The following DGKG variants were observed in gnomAD, a reference collection of about 807,000 sequenced individuals.
DGKG encodes diacylglycerol kinase gamma.
A neutral mutation model predicts 105.3 loss-of-function variants in DGKG; 78 were observed. The ratio of observed to expected loss-of-function variants is 0.74; its 90% confidence interval spans 0.62 to 0.89. The LOEUF is 0.89. Ranked by LOEUF, DGKG falls within the 40% of genes least tolerant of loss-of-function variation. DGKG has a pLI of 0.00. For synonymous variants in DGKG, 346 were observed against 367.1 expected (o/e 0.94, Z 0.66); for missense variants, 958 against 1,020.1 (o/e 0.94, Z 0.83).
chr3:186,357,559 G>T (rs1338124333), intron 1 of DGKG, among the ~76,000 whole-genome samples: 1 of 152,200 alleles, frequency 6.6e-6, no homozygotes, highest in Non-Finnish European at 1.5e-5. Context: ...GTGAGATGGG[G>T]TTAATACCAG....
intron 1 of DGKG, among the ~76,000 whole-genome samples, chr3:186,352,210 C>T (rs1186620892): frequency 6.6e-6 from 1 of 152,110 alleles, no homozygotes; most frequent in Non-Finnish European, 1.5e-5. Context: ...GTAAGCCACC[C>T]CCCTGCTTGA....
intron 22 of DGKG, among the ~76,000 whole-genome samples, chr3:186,181,626 C>T (rs7619125): frequency 3.3e-5 from 5 of 152,088 alleles, no homozygotes; most frequent in Admixed American, 6.5e-5. Flanking sequence ...CCAGCTACCT[C>T]GGAGGCTGAG....
chr3:186,199,647 T>G (rs1718353437), intron 21 of DGKG, among the ~76,000 whole-genome samples: 1 of 152,026 alleles, frequency 6.6e-6, no homozygotes, highest in Non-Finnish European at 1.5e-5. Flanking sequence ...TGAGTAGCTG[T>G]GATTACAGGT....
intron 10 of DGKG, among the ~76,000 whole-genome samples, chr3:186,273,111 C>T (rs961595795): frequency 2.6e-5 from 4 of 152,112 alleles, no homozygotes; most frequent in Non-Finnish European, 5.9e-5. Context: ...TCAGGGTTTT[C>T]TGTAAAAAGG....
At chr3:186,208,101 G>C (rs1219231959) in intron 21 of DGKG, among the ~76,000 whole-genome samples, 2 of 151,820 alleles carry the variant, frequency 1.3e-5, no homozygotes, top group Non-Finnish European at 2.9e-5. Flanking sequence ...GAGTGCAGTG[G>C]TGCAATCTTG....
intron 1 of DGKG, among the ~76,000 whole-genome samples, chr3:186,348,296 C>T (rs1167068413): frequency 6.7e-6 from 1 of 149,448 alleles, no homozygotes; most frequent in Non-Finnish European, 1.5e-5. Flanking sequence ...ATGTTAATTT[C>T]TCTGTTGACC....
rs1043634397 is a variant in DGKG at position 186,308,507 on chromosome 3, T to C, written c.68-1530A>G. The stretch of plus-strand genomic sequence containing the variant: ...TGCCCAGGCTCTTTGTACAGAGGGT[T>C]AATGTCTCTTAAGCCTAGGTAAAGT... On this transcript the variant is annotated intron_variant, in intron 2 of 24. Coordinates refer to ENST00000265022, the MANE Select transcript of DGKG (RefSeq NM_001346.3). Among the ~76,000 whole-genome samples the C allele has an allele frequency of 2.6e-5, 4 of 152,300 alleles. No individual in the cohort carries two copies. The East Asian group carries it at 7.7e-4, about 29-fold the overall frequency.
rs149265397 is a variant in DGKG, at chr3:186,206,199, C to T, written c.1917+5596G>A. ...AGGAGTTCGAGACCATCCTGCCCTA[C>T]GTGGTGAAATCCCGTCTCTACTAAA... On this transcript the variant is annotated intron_variant, in intron 21 of 24. Coordinates refer to ENST00000265022, the MANE Select transcript of DGKG (RefSeq NM_001346.3). 2.4e-4 allele frequency among the ~76,000 whole-genome samples: 37 copies of T among 152,216 alleles called. No individual in the cohort carries two copies. The East Asian group carries it at 4.6e-3, about 19-fold the overall frequency.
At chr3:186,288,664 C>T (rs1345023176) in intron 6 of DGKG, 46 bp downstream of exon 6, 1 of 1,596,460 alleles carries the variant, frequency 6.3e-7, no homozygotes, top group East Asian at 2.2e-5. Flanking sequence ...ACCCCAGATC[C>T]TTCTCTAGGA....
intron 1 of DGKG, among the ~76,000 whole-genome samples, chr3:186,360,329 C>T (rs1029585594): frequency 2.0e-5 from 3 of 152,140 alleles, no homozygotes; most frequent in Non-Finnish European, 2.9e-5. Flanking sequence ...ACTAGCTTCC[C>T]ACCCTAAAGC....
In DGKG at chr3:186,161,302, C is replaced by T. The variant is rs1412451739; in HGVS notation, c.2277+301G>A. ...TTGACATGATTCAAGCTGAGGCTGT[C>T]CAGGATACAGTAGATGAAGTCTCAG... On this transcript the variant is annotated intron_variant, in intron 24 of 24. Transcript: ENST00000265022. 4.2e-6 allele frequency: 5 copies of T among 1,198,140 alleles called. No homozygotes were observed. In the African/African-American group the frequency reaches 6.4e-5, roughly 15 times the overall value. The allele number at this position is 1,198,140 out of a possible 1,614,324, so 74.2% of individuals were successfully genotyped here. A position where few individuals can be genotyped will look rare whatever the true frequency, so the allele number is the denominator to read the frequency against.
intron 17 of DGKG, 184 bp downstream of exon 17, chr3:186,257,670 T>C (rs1046664973): frequency 3.6e-6 from 2 of 547,968 alleles, no homozygotes; most frequent in Non-Finnish European, 6.5e-6. Flanking sequence ...AATCATTCGA[T>C]TGTCTTATTT....
intron 14 of DGKG, 152 bp from the exon 15 acceptor site, chr3:186,261,930 C>T: frequency 1.8e-6 from 1 of 568,918 alleles, no homozygotes; most frequent in Admixed American, 3.1e-5. Flanking sequence ...TTCGGAGGGG[C>T]TAAGTAGCTA....
At chr3:186,291,072 A>G (rs1369072856) in intron 5 of DGKG, among the ~76,000 whole-genome samples, 1 of 152,206 alleles carries the variant, frequency 6.6e-6, no homozygotes, top group Non-Finnish European at 1.5e-5. Context: ...TAGATCCAAA[A>G]AGATCAGACT....
chr3:186,234,002 T>C (rs1351388182), intron 20 of DGKG, among the ~76,000 whole-genome samples: 3 of 152,242 alleles, frequency 2.0e-5, no homozygotes, highest in African/African-American at 7.2e-5. Context: ...TCCAAAATCA[T>C]TGCCAGCATG....
In DGKG at chr3:186,260,531, A is replaced by C; in HGVS notation, c.1350-18T>G. 2 of 1,579,368 alleles carry C rather than the reference A, an allele frequency of 1.3e-6. No homozygotes were observed. The highest frequency in any genetic ancestry group is 2.2e-5 in the South Asian group (2 of 89,664). ...GAAGAATTCTATGGAAAAAAAAAGA[A>C]AAGGAGGGAGAGAGAGAGACAGAGA... is the stretch of plus-strand genomic sequence containing the variant. On this transcript the variant is annotated intron_variant, in intron 15 of 24. Coordinates refer to ENST00000265022, the MANE Select transcript of DGKG (RefSeq NM_001346.3).
chr3:186,184,908 T>A (rs918135707), intron 22 of DGKG, among the ~76,000 whole-genome samples: 2 of 152,032 alleles, frequency 1.3e-5, no homozygotes, highest in East Asian at 3.9e-4. Flanking sequence ...CGGGACAAAA[T>A]ACACTGAGAG....
intron 1 of DGKG, among the ~76,000 whole-genome samples, chr3:186,325,837 G>C (rs888510540): frequency 6.6e-6 from 1 of 152,094 alleles, no homozygotes; most frequent in Non-Finnish European, 1.5e-5. Context: ...TTCCAGATTT[G>C]ATCAGTGGAA....
chr3:186,275,700 C>A, intron 9 of DGKG, 36 bp from the exon 10 acceptor site: 2 of 1,541,088 alleles, frequency 1.3e-6, no homozygotes, highest in Non-Finnish European at 1.8e-6. Context: ...CCCAAGCTGG[C>A]TGCCCTGAGA....
Sources: allele counts gnomAD v4.1 joint callset (sites outside exome capture counted in the v4.1 genomes callset), GRCh38; gene constraint gnomAD v4.1.1; transcripts MANE v1.5; gene names NCBI Gene and HGNC (gene_info 2026-07-23, HGNC 2026-07-21).